Variants in CFAP206 observed in about 807,000 individuals in gnomAD.
CFAP206 encodes the protein cilia and flagella associated protein 206.
Under a neutral mutation model 65.4 loss-of-function variants are expected in CFAP206, and 53 were observed. That is an observed-to-expected ratio of 0.81 (90% CI 0.65 to 1.02). The LOEUF is 1.02. CFAP206 is among the 50% of genes least tolerant of loss of function. The probability of loss-of-function intolerance (pLI) is 0.00; values close to 1 mark genes in which losing one functional copy is unlikely to be tolerated. For missense variants in CFAP206, 663 were observed against 753.2 expected (o/e 0.88, Z 1.40); for synonymous variants, 250 against 254.4 (o/e 0.98, Z 0.17).
At chr6:87,432,258 T>G (rs1289314185) in intron 10 of CFAP206, among the ~76,000 whole-genome samples, 1 of 152,150 alleles carries the variant, frequency 6.6e-6, no homozygotes, top group Non-Finnish European at 1.5e-5. Flanking sequence ...GAACACACAA[T>G]TGGCTCATTT....
intron 1 of CFAP206, among the ~76,000 whole-genome samples, chr6:87,409,182 G>A (rs748599245): frequency 1.3e-5 from 2 of 150,400 alleles, no homozygotes; most frequent in African/African-American, 2.4e-5. Context: ...GTACTCTTGG[G>A]TTTCTCATTA....
chr6:87,440,430 A>G (rs1276223334), intron 11 of CFAP206, among the ~76,000 whole-genome samples: 1 of 152,050 alleles, frequency 6.6e-6, no homozygotes, highest in Admixed American at 6.6e-5. Context: ...TATGCAAATG[A>G]TAATTCCTTC....
chr6:87,413,583 A>G (rs1767773299), intron 3 of CFAP206, among the ~76,000 whole-genome samples: 1 of 152,176 alleles, frequency 6.6e-6, no homozygotes, highest in Admixed American at 6.5e-5. Flanking sequence ...TATCCATGTA[A>G]CAAAATGACA....
At chr6:87,435,206 T>G in intron 11 of CFAP206, 153 bp downstream of exon 11, 2 of 499,374 alleles carry the variant, frequency 4.0e-6, no homozygotes, top group Non-Finnish European at 3.6e-6. Context: ...TATCTGAAGA[T>G]GAAAACTAAT....
chr6:87,459,846 T>G (rs183111646), intron 11 of CFAP206, among the ~76,000 whole-genome samples: 46 of 152,282 alleles, frequency 3.0e-4, no homozygotes, highest in Non-Finnish European at 4.9e-4. Flanking sequence ...AAAGCATAAT[T>G]TTTTCCTATA....
At chr6:87,414,061 A>G (rs1767783978) in intron 4 of CFAP206, among the ~76,000 whole-genome samples, 161 bp downstream of exon 4, 1 of 152,000 alleles carries the variant, frequency 6.6e-6, no homozygotes, top group African/African-American at 2.4e-5. Flanking sequence ...ATGCTAAATG[A>G]AAAAAAACCA....
At chr6:87,444,723 C>T (rs1458772227) in intron 11 of CFAP206, 10 of 356,034 alleles carry the variant, frequency 2.8e-5, no homozygotes, top group Admixed American at 1.9e-4. Context: ...TTTCTTTGAT[C>T]GCTCACTCTT....
In CFAP206 at chr6:87,416,830, A is replaced by G. The variant is rs1582133450; in HGVS notation, c.631+3A>G. On this transcript the variant is annotated splice_donor_region_variant and intron_variant, in intron 6 of 12. Transcript: ENST00000369562. ...AGGAGGAGAAGGCATTGATGATTGT[A>G]GGTATATCATTAGATTAATTCTAAA... 6.2e-7 allele frequency: 1 copy of G among 1,611,888 alleles called. No homozygotes were observed. The highest frequency in any genetic ancestry group is 2.2e-5 in the East Asian group (1 of 44,822).
intron 9 of CFAP206, among the ~76,000 whole-genome samples, chr6:87,429,671 G>A (rs1768124189): frequency 6.6e-6 from 1 of 152,096 alleles, no homozygotes; most frequent in South Asian, 2.1e-4. Flanking sequence ...TAACATTTAT[G>A]AGGAATGCCA....
At chr6:87,459,761 C>A (rs1768710987) in intron 11 of CFAP206, among the ~76,000 whole-genome samples, 1 of 152,050 alleles carries the variant, frequency 6.6e-6, no homozygotes, top group Non-Finnish European at 1.5e-5. Flanking sequence ...TGTAAGATAC[C>A]CCAAGGACAG....
chr6:87,418,210 C>T lies in CFAP206; in HGVS notation c.634C>T (p.Pro212Ser), dbSNP rs1480845101. The T allele has an allele frequency of 1.9e-6, 3 of 1,613,990 alleles. No homozygotes were observed. The highest frequency in any genetic ancestry group is 2.5e-6 in the Non-Finnish European group (3 of 1,179,960). ...GKGGEGIDDL[P>S]AVLHVAIPAT... Reference sequence around the variant, plus strand: ...CCTTTTCATACTCTTACAAACAGTGCCAGCTGTTCTCCATGTAGCAATCCC... The same window carrying T: ...CCTTTTCATACTCTTACAAACAGTGTCAGCTGTTCTCCATGTAGCAATCCC... The change falls in exon 7 of 13, where the codon CCA becomes TCA. Residue 212 changes from proline (P) to serine (S), a missense_variant and splice_region_variant. By Grantham distance (74) the Pro-to-Ser change is moderately conservative. Coordinates refer to ENST00000369562, the MANE Select transcript of CFAP206 (RefSeq NM_001031743.3).
Position 87,434,860 on chromosome 6 carries a change from G to C in CFAP206, c.1301G>C (p.Gly434Ala). Residue 434 changes from glycine (G) to alanine (A), a missense_variant and splice_region_variant, in exon 11 of 13, where the codon GGA becomes GCA. Transcript: ENST00000369562. ...FAATDGLLLP[G>A]NPAIGILKYK... ...TATCTAATTCTTTTTTTATTTTCAG[G>C]AAATCCAGCAATTGGAATTTTAAAA... The C allele has an allele frequency of 7.6e-7, 1 of 1,315,334 alleles. No homozygotes were observed. Among genetic ancestry groups the C allele is most frequent in the Non-Finnish European group, 1.1e-6 (1 of 948,410 alleles). 81.5% of individuals were successfully genotyped at this position (1,315,334 alleles called of 1,614,324 possible). A position where few individuals can be genotyped will look rare whatever the true frequency, so the allele number is the denominator to read the frequency against.
At chr6:87,427,135 A>T (rs897582110) in intron 8 of CFAP206, among the ~76,000 whole-genome samples, 3 of 152,016 alleles carry the variant, frequency 2.0e-5, no homozygotes, top group African/African-American at 4.8e-5. Context: ...TATTATTTTT[A>T]TTTATTTATT....
chr6:87,424,944 G>GT (rs1170265656), intron 7 of CFAP206, among the ~76,000 whole-genome samples: 1 of 152,200 alleles, frequency 6.6e-6, no homozygotes. Context: ...AGCCATATAT[G>GT]TTTTAATCAA....
intron 11 of CFAP206, among the ~76,000 whole-genome samples, chr6:87,438,043 A>G (rs1013718744): frequency 2.0e-5 from 3 of 152,004 alleles, no homozygotes; most frequent in African/African-American, 7.2e-5. Context: ...AGGAAATGAT[A>G]TTTGTTCAGG....
intron 4 of CFAP206, among the ~76,000 whole-genome samples, chr6:87,414,319 C>CA (rs1767788114): frequency 6.6e-6 from 1 of 152,056 alleles, no homozygotes; most frequent in Non-Finnish European, 1.5e-5. Context: ...TTTTTTGAGA[C>CA]AGAGTCTTGC....
intron 11 of CFAP206, among the ~76,000 whole-genome samples, chr6:87,456,054 AC>A (rs1449544379): frequency 3.9e-5 from 6 of 152,224 alleles, no homozygotes; most frequent in Non-Finnish European, 7.3e-5. Context: ...AGACACATCA[AC>A]AAAGGAAAAC....
At chr6:87,445,329 G>A (rs1249413452) in intron 11 of CFAP206, among the ~76,000 whole-genome samples, 2 of 151,934 alleles carry the variant, frequency 1.3e-5, no homozygotes, top group African/African-American at 2.4e-5. Context: ...AGCCCAGCAT[G>A]CATTAGCTAT....
intron 9 of CFAP206, among the ~76,000 whole-genome samples, chr6:87,430,461 G>T (rs1562247144): frequency 6.6e-6 from 1 of 152,152 alleles, no homozygotes; most frequent in African/African-American, 2.4e-5. Flanking sequence ...TACACACCTT[G>T]TTATCAAAAT....
Sources: gnomAD v4.1 joint callset for allele counts (sites outside exome capture counted in the v4.1 genomes callset) on GRCh38, gnomAD v4.1.1 for gene constraint, MANE v1.5 for transcripts, NCBI Gene and HGNC (gene_info 2026-07-23, HGNC 2026-07-21) for gene names.